The following MAGI2 variants were observed in gnomAD, a reference collection of about 807,000 sequenced individuals.
The protein encoded by MAGI2 is membrane-associated guanylate kinase, WW and PDZ domain-containing protein 2.
Under a neutral mutation model 133.3 loss-of-function variants are expected in MAGI2, and 35 were observed. The observed-to-expected ratio is 0.26, with a 90% CI of 0.20 to 0.35. The LOEUF (loss-of-function observed/expected upper bound fraction) is 0.35. Among genes scored for constraint, MAGI2 ranks in the 10% least tolerant of loss-of-function variants. The probability of loss-of-function intolerance (pLI) is 1.00; values close to 1 mark genes in which losing one functional copy is unlikely to be tolerated. For missense variants in MAGI2, 1,636 were observed against 1,863.4 expected (o/e 0.88, Z 2.25); for synonymous variants, 729 against 710.6 (o/e 1.03, Z -0.41).
chr7:79,378,924 G>GTATATA (rs745327540), intron 1 of MAGI2, among the ~76,000 whole-genome samples: 675 of 47,826 alleles, frequency 0.014, 9 homozygotes, highest in African/African-American at 0.035. Context: ...ATATGTGTGT[G>GTATATA]TGTATATATA....
At chr7:78,549,883 ACCT>A (rs1799187030) in intron 3 of MAGI2, among the ~76,000 whole-genome samples, 1 of 152,174 alleles carries the variant, frequency 6.6e-6, no homozygotes, top group Non-Finnish European at 1.5e-5. Flanking sequence ...CTTTTGGCTT[ACCT>A]AGAGTTTCAC....
chr7:78,402,357 G>A (rs973804607), intron 6 of MAGI2, among the ~76,000 whole-genome samples: 4 of 40,714 alleles, frequency 9.8e-5, no homozygotes, highest in African/African-American at 2.2e-4. Context: ...CACCTGGGGC[G>A]TATGTGTGTA....
At chr7:78,358,061 A>G (rs2151223206) in intron 7 of MAGI2, among the ~76,000 whole-genome samples, 1 of 149,270 alleles carries the variant, frequency 6.7e-6, no homozygotes, top group South Asian at 2.1e-4. Context: ...GAAGTTAAAA[A>G]TATATCTCTG....
At chr7:78,038,986 A>G (rs1395016435) in intron 21 of MAGI2, among the ~76,000 whole-genome samples, 1 of 152,250 alleles carries the variant, frequency 6.6e-6, no homozygotes, top group African/African-American at 2.4e-5. Flanking sequence ...TAGTGTTTTT[A>G]AGTTTTCACA....
rs185722430 is a variant in MAGI2 at position 79,093,473 on chromosome 7, T to C, written c.302-86267A>G. The stretch of plus-strand genomic sequence containing the variant: ...ATATAAAAGTTATATCTACACCACA[T>C]TGTAGTTTATTAAGTGTGCAATAGC... On this transcript the variant is annotated intron_variant, in intron 1 of 21. Coordinates refer to ENST00000354212, the MANE Select transcript of MAGI2 (RefSeq NM_012301.4). Among the ~76,000 whole-genome samples the C allele has an allele frequency of 1.9e-3, 284 of 152,272 alleles. 3 individuals are homozygous for C. Among genetic ancestry groups the C allele is most frequent in the African/African-American group, 6.3e-3 (263 of 41,560 alleles).
intron 1 of MAGI2, among the ~76,000 whole-genome samples, chr7:79,340,471 C>T (rs750841699): frequency 3.3e-5 from 5 of 152,070 alleles, no homozygotes; most frequent in African/African-American, 4.8e-5. Flanking sequence ...GTAGTAAAAG[C>T]TTTATTACAA....
chr7:78,954,437 T>C (rs568678164), intron 2 of MAGI2, among the ~76,000 whole-genome samples: 71 of 151,874 alleles, frequency 4.7e-4, no homozygotes, highest in African/African-American at 1.6e-3. Flanking sequence ...GTTAAGGAGG[T>C]CAGGGTATAG....
intron 21 of MAGI2, among the ~76,000 whole-genome samples, chr7:78,067,827 G>A (rs1408289215): frequency 6.6e-6 from 1 of 152,178 alleles, no homozygotes; most frequent in Non-Finnish European, 1.5e-5. Context: ...CTAACTTCGA[G>A]CAAGGTTGTA....
At chr7:78,943,491 G>A (rs1212175977) in intron 2 of MAGI2, among the ~76,000 whole-genome samples, 2 of 152,112 alleles carry the variant, frequency 1.3e-5, no homozygotes, top group Non-Finnish European at 2.9e-5. Context: ...TAAAGTGGGA[G>A]GACCAGTGAA....
intron 3 of MAGI2, among the ~76,000 whole-genome samples, chr7:78,582,716 C>T (rs1802963064): frequency 6.6e-6 from 1 of 152,202 alleles, no homozygotes; most frequent in Non-Finnish European, 1.5e-5. Flanking sequence ...ACTATGATTT[C>T]AGGACACATT....
At chr7:78,443,724 C>A (rs2151464838) in intron 6 of MAGI2, among the ~76,000 whole-genome samples, 1 of 152,210 alleles carries the variant, frequency 6.6e-6, no homozygotes, top group East Asian at 1.9e-4. Flanking sequence ...TAATTTTCTT[C>A]CCATCTATGT....
intron 1 of MAGI2, among the ~76,000 whole-genome samples, chr7:79,265,603 C>T (rs2129556780): frequency 6.6e-6 from 1 of 151,866 alleles, no homozygotes; most frequent in African/African-American, 2.4e-5. Context: ...ATCATATGTA[C>T]CATAACAATA....
chr7:79,025,696 T>C (rs1809816323), intron 1 of MAGI2, among the ~76,000 whole-genome samples: 1 of 152,106 alleles, frequency 6.6e-6, no homozygotes, highest in Admixed American at 6.6e-5. Flanking sequence ...TAGGTTGTTA[T>C]CACTCTCACC....
chr7:79,177,822 C>T (rs1227952246), intron 1 of MAGI2, among the ~76,000 whole-genome samples: 2 of 152,062 alleles, frequency 1.3e-5, no homozygotes, highest in Non-Finnish European at 2.9e-5. Context: ...CATCATTTCT[C>T]TGTTACCACA....
chr7:78,633,498 G>T (rs907061161), intron 2 of MAGI2, among the ~76,000 whole-genome samples: 2 of 152,034 alleles, frequency 1.3e-5, no homozygotes, highest in African/African-American at 4.8e-5. Flanking sequence ...GAGGTCAGGA[G>T]ATCAAGACTA....
intron 6 of MAGI2, among the ~76,000 whole-genome samples, chr7:78,419,855 T>C (rs1798640047): frequency 1.3e-5 from 2 of 152,042 alleles, no homozygotes; most frequent in African/African-American, 4.8e-5. Flanking sequence ...TTGAACTTGC[T>C]TGGAGAGTAG....
chr7:79,014,925 A>G (rs920534115), intron 1 of MAGI2, among the ~76,000 whole-genome samples: 1 of 152,184 alleles, frequency 6.6e-6, no homozygotes, highest in Non-Finnish European at 1.5e-5. Flanking sequence ...AAATATCACA[A>G]TTGTTTTTGT....
At chr7:79,191,402 CTTTTTTTTTTTTTTTT>C (rs71095386) in intron 1 of MAGI2, among the ~76,000 whole-genome samples, 30 of 22,336 alleles carry the variant, frequency 1.3e-3, no homozygotes, top group Admixed American at 9.8e-3. Context: ...CTTTTTCTTT[CTTTTTTTTTTTTTTTT>C]TTTTTTTTTT....
chr7:79,442,804 T>TA (rs917569407), intron 1 of MAGI2, among the ~76,000 whole-genome samples: 71 of 152,272 alleles, frequency 4.7e-4, no homozygotes, highest in African/African-American at 1.7e-3. Context: ...AGATTACCGT[T>TA]ATCTATGTTC....
Sources: allele counts gnomAD v4.1 joint callset (sites outside exome capture counted in the v4.1 genomes callset), GRCh38; gene constraint gnomAD v4.1.1; transcripts MANE v1.5; gene names NCBI Gene and HGNC (gene_info 2026-07-23, HGNC 2026-07-21).